PARP12: variants seen among roughly 807,000 people sequenced by gnomAD.
The protein encoded by PARP12 is poly(ADP-ribose) polymerase family member 12, also known as protein mono-ADP-ribosyltransferase PARP12.
PARP12 carries 59 observed loss-of-function variants against 72.4 expected under a neutral mutation model. That is an observed-to-expected ratio of 0.81 (90% CI 0.66 to 1.01). The LOEUF (loss-of-function observed/expected upper bound fraction) is 1.01. Among genes scored for constraint, PARP12 ranks in the 50% least tolerant of loss-of-function variants. PARP12 has a pLI of 0.00. For synonymous variants in PARP12, 403 were observed against 371.4 expected (o/e 1.09, Z -0.98); for missense variants, 851 against 914.0 (o/e 0.93, Z 0.89).
At chr7:140,033,752 G>C in intron 8 of PARP12, 1 of 989,908 alleles carries the variant, frequency 1.0e-6, no homozygotes, top group African/African-American at 1.7e-5. Context: ...GCCATCTTGG[G>C]ACTGAAAGAA....
rs769523881 is a variant in PARP12 at position 140,026,206 on chromosome 7, AG to A, written c.1770del (p.Tyr591ThrfsTer62). 1 of 1,614,060 alleles carries A rather than the reference AG, an allele frequency of 6.2e-7. No homozygotes were observed. Among genetic ancestry groups the A allele is most frequent in the Admixed American group, 1.7e-5 (1 of 60,018 alleles). On this transcript the variant is annotated frameshift_variant, in exon 11 of 12. Transcript: ENST00000263549. LOFTEE classifies it low-confidence loss of function (END_TRUNC). Reference sequence around the variant, plus strand: ...GCCAGTCATGCCTTACCCTTGCCGTAGGAAGTGCCATGAACACCACAGACCC... The same window carrying A: ...GCCAGTCATGCCTTACCCTTGCCGTAGAAGTGCCATGAACACCACAGACCC... ...DWRVCGVHGT[S>X]YGKGSYFARD... is the part of the protein sequence containing the mutation.
In PARP12 at chr7:140,026,321, G is replaced by A. The variant is rs79970126; in HGVS notation, c.1656C>T (p.Asn552=). The A allele has an allele frequency of 0.043, 69,457 of 1,612,196 alleles. 1,782 individuals carry two copies. The highest frequency in any genetic ancestry group is 0.071 in the Middle Eastern group (432 of 6,062). The change falls in exon 11 of 12, where the codon AAC becomes AAT. Residue 552 remains asparagine (N), a synonymous_variant. Coordinates refer to ENST00000263549, the MANE Select transcript of PARP12 (RefSeq NM_022750.4). ...GCCGCTCGTCCACGGCCTTCCCTCC[G>A]TTCTGCTTCTGCATCTGTCCTTTTT... ...QWQKGQMQKQ[N]GGKAVDERQL... is the part of the protein sequence containing the mutation.
At chr7:140,058,791 C>T (rs1271109948) in intron 1 of PARP12, among the ~76,000 whole-genome samples, 1 of 152,170 alleles carries the variant, frequency 6.6e-6, no homozygotes, top group Non-Finnish European at 1.5e-5. Context: ...TATTTACAAG[C>T]ACCAGAGAAA....
At chr7:140,041,493 A>G (rs988987712) in intron 6 of PARP12, 151 bp downstream of exon 6, 7 of 695,662 alleles carry the variant, frequency 1.0e-5, no homozygotes, top group Admixed American at 2.9e-5. Flanking sequence ...TAGTTTTGCC[A>G]TAATTCTCCC....
At position 140,057,898 on chromosome 7, in the gene PARP12, C is replaced by A. The variant is rs1201548925; in HGVS notation, c.462+1G>T. 2 of 1,614,186 alleles carry A rather than the reference C, an allele frequency of 1.2e-6. No individual in the cohort carries two copies. The highest frequency in any genetic ancestry group is 1.7e-4 in the Middle Eastern group (1 of 6,028). On this transcript the variant is annotated splice_donor_variant, in intron 2 of 11. Transcript: ENST00000263549. LOFTEE classifies it high-confidence loss of function. ...GAACCCAGACTTCCCCTGGCACTCA[C>A]TTCTGGCAAAAGCCAGGGGTCGTTC... is the stretch of plus-strand genomic sequence containing the variant.
At chr7:140,058,124 T>A in intron 1 of PARP12, 90 bp from the exon 2 acceptor site, 2 of 1,410,176 alleles carry the variant, frequency 1.4e-6, no homozygotes, top group Non-Finnish European at 2.0e-6. Context: ...CCTCAGGATA[T>A]GGCTCTATTT....
At chr7:140,026,049 G>A in intron 11 of PARP12, 148 bp downstream of exon 11, 1 of 1,207,932 alleles carries the variant, frequency 8.3e-7, no homozygotes, top group Non-Finnish European at 1.2e-6. Context: ...GCAAGGATGT[G>A]ACTGGTAGCT....
chr7:140,028,861 CT>C, intron 8 of PARP12, 173 bp from the exon 9 acceptor site: 1 of 513,750 alleles, frequency 1.9e-6, no homozygotes, highest in African/African-American at 2.0e-5. Flanking sequence ...CATGAGAGCA[CT>C]TTTATCTTTG....
In PARP12 at chr7:140,057,027, T is replaced by A; in HGVS notation, c.589A>T (p.Arg197Ter). ...GECKFGTSCK[R>*]SHDFSNSENL... ...TCAGAATTAGAGAAATCATGGGATC[T>A]CTTACAGCTAGTGCCAAACTTGCAT... is the stretch of plus-strand genomic sequence containing the variant. Residue 197 changes from arginine to a stop codon, truncating the protein, a stop_gained, in exon 3 of 12, where the codon AGA becomes TGA. Coordinates refer to ENST00000263549, the MANE Select transcript of PARP12 (RefSeq NM_022750.4). LOFTEE classifies it high-confidence loss of function. 1 of 1,614,242 alleles carries A rather than the reference T, an allele frequency of 6.2e-7. No homozygotes were observed. Among genetic ancestry groups the A allele is most frequent in the Non-Finnish European group, 8.5e-7 (1 of 1,180,040 alleles).
At chr7:140,034,353 GA>G (rs1191346982) in intron 7 of PARP12, 22 bp from the exon 8 acceptor site, 2 of 1,575,776 alleles carry the variant, frequency 1.3e-6, no homozygotes, top group Non-Finnish European at 1.7e-6. Context: ...CATAACCAGT[GA>G]AAAAATATAC....
chr7:140,045,701 G>A (rs1340338352), intron 5 of PARP12, among the ~76,000 whole-genome samples: 1 of 151,972 alleles, frequency 6.6e-6, no homozygotes, highest in Admixed American at 6.6e-5. Context: ...AACCAAGTGA[G>A]GAAAAAAATC....
intron 8 of PARP12, among the ~76,000 whole-genome samples, chr7:140,029,606 G>C (rs964171120): frequency 3.4e-4 from 52 of 151,814 alleles, no homozygotes; most frequent in African/African-American, 1.3e-3. Context: ...GAAATTATCA[G>C]AGAGATTACA....
intron 6 of PARP12, among the ~76,000 whole-genome samples, chr7:140,040,723 C>T (rs994105969): frequency 6.6e-6 from 1 of 152,180 alleles, no homozygotes; most frequent in East Asian, 1.9e-4. Flanking sequence ...AAATACCTAT[C>T]GATTTTCATT....
intron 4 of PARP12, among the ~76,000 whole-genome samples, chr7:140,052,523 T>C (rs568851860): frequency 6.6e-6 from 1 of 152,326 alleles, no homozygotes; most frequent in African/African-American, 2.4e-5. Context: ...ATTTGATATT[T>C]GTTCTTGCTT....
At chr7:140,050,737 CA>C (rs1253529598) in intron 4 of PARP12, among the ~76,000 whole-genome samples, 2 of 152,086 alleles carry the variant, frequency 1.3e-5, no homozygotes, top group Admixed American at 1.3e-4. Flanking sequence ...TCTAGGAAAA[CA>C]CCATAAGAGA....
chr7:140,025,074 C>T lies in PARP12; in HGVS notation c.1781-189G>A, dbSNP rs544469710. Reference sequence around the variant, plus strand: ...GTCACATGCATCAGTGATACCAACACCCTTCTGAGTGGCAGCATCTGAGGA... The same window carrying T: ...GTCACATGCATCAGTGATACCAACATCCTTCTGAGTGGCAGCATCTGAGGA... On this transcript the variant is annotated intron_variant, in intron 11 of 11. Coordinates refer to ENST00000263549, the MANE Select transcript of PARP12 (RefSeq NM_022750.4). Among the ~76,000 whole-genome samples, 4 of 152,190 alleles carry T rather than the reference C, an allele frequency of 2.6e-5. No individual in the cohort carries two copies. The South Asian group carries it at 8.3e-4, about 32-fold the overall frequency.
In PARP12 at chr7:140,062,701, G is replaced by A. The variant is rs1817517737; in HGVS notation, c.147C>T (p.Phe49=). ...CGCCGCCCGCCCGCACCGCCACCAC[G>A]AAGCGCCCACGCTGCCGCAGCAGCC... ...LERLLRQRGR[F]VVAVRAGGAA... Residue 49 remains phenylalanine (F), a synonymous_variant, in exon 1 of 12, where the codon TTC becomes TTT. Transcript: ENST00000263549. The A allele has an allele frequency of 3.0e-6, 4 of 1,317,672 alleles. No individual in the cohort carries two copies. The highest frequency in any genetic ancestry group is 3.1e-5 in the Admixed American group (1 of 31,946). 81.6% of individuals were successfully genotyped at this position (1,317,672 alleles called of 1,614,324 possible).
At chr7:140,033,874 A>T in intron 8 of PARP12, 2 of 994,088 alleles carry the variant, frequency 2.0e-6, no homozygotes, top group Non-Finnish European at 2.4e-6. Context: ...GTGTAATTCC[A>T]TCATTATTTC....
intron 7 of PARP12, among the ~76,000 whole-genome samples, chr7:140,035,115 T>C (rs1038829965): frequency 8.5e-5 from 13 of 152,192 alleles, no homozygotes; most frequent in Non-Finnish European, 1.8e-4. Flanking sequence ...TATTAAAAAT[T>C]ATAGGTGTCC....
Sources: gnomAD v4.1 joint callset for allele counts (sites outside exome capture counted in the v4.1 genomes callset) on GRCh38, gnomAD v4.1.1 for gene constraint, MANE v1.5 for transcripts, NCBI Gene and HGNC (gene_info 2026-07-23, HGNC 2026-07-21) for gene names.